OTULINL: variants seen among roughly 807,000 people sequenced by gnomAD.
OTULINL encodes the protein OTU deubiquitinase with linear linkage specificity like, also known as inactive ubiquitin thioesterase OTULINL.
A neutral mutation model predicts 43.9 loss-of-function variants in OTULINL; 42 were observed. The observed-to-expected ratio is 0.96, with a 90% CI of 0.75 to 1.24. The LOEUF (loss-of-function observed/expected upper bound fraction) is 1.24, where lower values mean the gene tolerates loss of function less well. Among genes scored for constraint, OTULINL ranks in the 50% most tolerant of loss-of-function variants. The pLI is 0.00. For missense variants in OTULINL, 411 were observed against 426.4 expected, an observed-to-expected ratio of 0.96 and a Z score of 0.32; for synonymous variants, 172 against 153.6, an observed-to-expected ratio of 1.12 and a Z score of -0.88.
chr5:14,606,031 T>A (rs1366990542), intron 5 of OTULINL, among the ~76,000 whole-genome samples: 1 of 152,198 alleles, frequency 6.6e-6, no homozygotes, highest in Non-Finnish European at 1.5e-5. Flanking sequence ...GGTACCAGTT[T>A]ACTGTATTAG....
rs752979984 is a variant in OTULINL, at chr5:14,607,311, C to A, written c.499-19C>A. On this transcript the variant is annotated intron_variant, in intron 5 of 7. Transcript: ENST00000274217. ...ACGTTCATATGCTAATCATAGTTGG[C>A]ATCTACTTCCTTTTCAAGCTTCCTG... 6.2e-7 allele frequency: 1 copy of A among 1,612,134 alleles called. No homozygotes were observed. The highest frequency in any genetic ancestry group is 8.5e-7 in the Non-Finnish European group (1 of 1,179,306).
intron 5 of OTULINL, among the ~76,000 whole-genome samples, chr5:14,604,876 T>C (rs1458708517): frequency 2.6e-5 from 4 of 152,224 alleles, no homozygotes; most frequent in Non-Finnish European, 4.4e-5. Flanking sequence ...TCCTGGCTGC[T>C]TTCACAGGCT....
intron 1 of OTULINL, among the ~76,000 whole-genome samples, chr5:14,600,398 C>T (rs115158618): frequency 0.016 from 2,384 of 152,284 alleles, 75 homozygotes; most frequent in African/African-American, 0.055. Context: ...TGAGAATGGA[C>T]GAACACAGAG....
chr5:14,595,560 T>A (rs1579919695), intron 1 of OTULINL, among the ~76,000 whole-genome samples: 1 of 150,742 alleles, frequency 6.6e-6, no homozygotes, highest in African/African-American at 2.4e-5. Flanking sequence ...GTTTTAATGT[T>A]TGAATTACTT....
In OTULINL at chr5:14,581,991, GGC is replaced by G. The variant is rs780427927; in HGVS notation, c.64+37_64+38del. 70 of 1,240,884 alleles carry G rather than the reference GGC, an allele frequency of 5.6e-5. No individual in the cohort carries two copies. In the South Asian group the frequency reaches 1.9e-3, roughly 34 times the overall value. The allele number at this position is 1,240,884 out of a possible 1,614,324, so 76.9% of individuals were successfully genotyped here. A position where few individuals can be genotyped will look rare whatever the true frequency, so the allele number is the denominator to read the frequency against. On this transcript the variant is annotated intron_variant, in intron 1 of 7. Transcript: ENST00000274217. ...TGGGGCCGGGCGGGGCGGGGCGGGG[GGC>G]GCGAGCAGGGACCGTCAAGGCGGGC... is the stretch of plus-strand genomic sequence containing the variant.
rs1759622807 is a variant in OTULINL, at chr5:14,613,794, TG to T, written c.*3483del. Reference sequence around the variant, plus strand: ...ACCTCCAGACTAAGCTGGTGGAGGATGGGCTCAACCTCCATGAGAGAAGAGC... The same window carrying T: ...ACCTCCAGACTAAGCTGGTGGAGGATGGCTCAACCTCCATGAGAGAAGAGC... On this transcript the variant is annotated 3_prime_UTR_variant, in exon 8 of 8. Transcript: ENST00000274217. Among the ~76,000 whole-genome samples, 1 of 152,190 alleles carries T rather than the reference TG, an allele frequency of 6.6e-6. No homozygotes were observed. Among genetic ancestry groups the T allele is most frequent in the South Asian group, 2.1e-4 (1 of 4,832 alleles).
rs1268044881 is a variant in OTULINL, at chr5:14,611,148, C to G, written c.*834C>G. The stretch of plus-strand genomic sequence containing the variant: ...TAGGCAGAATAATGCCCTATGCTCC[C>G]CAAAGATGTCTGTGTCTGAATCCTC... On this transcript the variant is annotated 3_prime_UTR_variant, in exon 8 of 8. Transcript: ENST00000274217. 1 of 152,116 alleles carries G rather than the reference C, an allele frequency of 6.6e-6. No individual in the cohort carries two copies. Among genetic ancestry groups the G allele is most frequent in the Non-Finnish European group, 1.5e-5 (1 of 68,032 alleles). The allele number at this position is 152,116 out of a possible 1,614,324, so 9.4% of individuals were successfully genotyped here.
rs551711382 is a variant in OTULINL, at chr5:14,600,458, G to A, written c.65-507G>A. Among the ~76,000 whole-genome samples, 10 of 152,368 alleles carry A rather than the reference G, an allele frequency of 6.6e-5. No homozygotes were observed. The South Asian group carries it at 1.7e-3, about 25-fold the overall frequency. ...GTCACCTGGTTTGACTGCCTGCAGT[G>A]TATTTGGGTCTGGATTGAATCCCTG... On this transcript the variant is annotated intron_variant, in intron 1 of 7. Transcript: ENST00000274217.
intron 1 of OTULINL, among the ~76,000 whole-genome samples, chr5:14,600,748 T>C (rs1759370295): frequency 6.6e-6 from 1 of 152,164 alleles, no homozygotes. Context: ...AAGATGGTCT[T>C]GTATATGGTG....
At chr5:14,605,008 GATGGGGTCTCAGT>G (rs1759449374) in intron 5 of OTULINL, among the ~76,000 whole-genome samples, 1 of 152,224 alleles carries the variant, frequency 6.6e-6, no homozygotes, top group Admixed American at 6.5e-5. Flanking sequence ...CCCCAGTGGG[GATGGGGTCTCAGT>G]GTGGGGGCTC....
In OTULINL at chr5:14,600,140, G is replaced by T. The variant is rs577692995; in HGVS notation, c.65-825G>T. Among the ~76,000 whole-genome samples, 5 of 152,320 alleles carry T rather than the reference G, an allele frequency of 3.3e-5. No homozygotes were observed. In the South Asian group the frequency reaches 6.2e-4, roughly 19 times the overall value. ...AGTGGGAGGTAATTGAATCATGGGGGTGGTTACCCTCATGTTGTTCTCATG... is the reference window on the plus strand; with the variant it reads ...AGTGGGAGGTAATTGAATCATGGGGTTGGTTACCCTCATGTTGTTCTCATG... On this transcript the variant is annotated intron_variant, in intron 1 of 7. Coordinates refer to ENST00000274217, the MANE Select transcript of OTULINL (RefSeq NM_019018.3).
chr5:14,611,726 T>C lies in OTULINL; in HGVS notation c.*1412T>C, dbSNP rs1759586125. 6.6e-6 allele frequency: 1 copy of C among 152,182 alleles called. No homozygotes were observed. Among genetic ancestry groups the C allele is most frequent in the Non-Finnish European group, 1.5e-5 (1 of 68,030 alleles). 9.4% of individuals were successfully genotyped at this position (152,182 alleles called of 1,614,324 possible). A position where few individuals can be genotyped will look rare whatever the true frequency, so the allele number is the denominator to read the frequency against. On this transcript the variant is annotated 3_prime_UTR_variant, in exon 8 of 8. Transcript: ENST00000274217. ...GATAGTTTTTTTTTTGGAGGTACTT[T>C]GCTAGTCTGTTTTGAGTTTCAGTAC...
rs139323197 is a variant in OTULINL, at chr5:14,605,757, C to A, written c.499-1573C>A. Among the ~76,000 whole-genome samples the A allele has an allele frequency of 9.8e-5, 15 of 152,308 alleles. No homozygotes were observed. The East Asian group carries it at 2.7e-3, about 27-fold the overall frequency. ...AGGGGCAAAATGCCACCAGTCTCTT[C>A]GTTAAAACATAACAAGAGTCATCTT... On this transcript the variant is annotated intron_variant, in intron 5 of 7. Coordinates refer to ENST00000274217, the MANE Select transcript of OTULINL (RefSeq NM_019018.3).
rs1759603392 is a variant in OTULINL at position 14,612,793 on chromosome 5, T to G, written c.*2479T>G. 6.6e-6 allele frequency: 1 copy of G among 152,158 alleles called. No individual in the cohort carries two copies. The highest frequency in any genetic ancestry group is 2.1e-4 in the South Asian group (1 of 4,828). 9.4% of individuals were successfully genotyped at this position (152,158 alleles called of 1,614,324 possible). A position where few individuals can be genotyped will look rare whatever the true frequency, so the allele number is the denominator to read the frequency against. On this transcript the variant is annotated 3_prime_UTR_variant, in exon 8 of 8. Coordinates refer to ENST00000274217, the MANE Select transcript of OTULINL (RefSeq NM_019018.3). ...AAATGGAAACATAATGCCCTCGTCG[T>G]TTTTTGATTTTAGGATAAGTTTCTC...
At chr5:14,607,026 C>T (rs904467035) in intron 5 of OTULINL, among the ~76,000 whole-genome samples, 3 of 152,070 alleles carry the variant, frequency 2.0e-5, no homozygotes, top group South Asian at 4.1e-4. Flanking sequence ...GTCAGGAGTT[C>T]GAGACCAGCC....
rs186884930 is a variant in OTULINL at position 14,614,059 on chromosome 5, A to G, written c.*3745A>G. Among the ~76,000 whole-genome samples the G allele has an allele frequency of 7.9e-5, 12 of 152,368 alleles. No homozygotes were observed. The highest frequency in any genetic ancestry group is 1.6e-4 in the Non-Finnish European group (11 of 68,032). ...AACCCAATATGTGAAAATATATGCAAGCATGAATAAAGGGTTGACTAATTC... is the reference window on the plus strand; with the variant it reads ...AACCCAATATGTGAAAATATATGCAGGCATGAATAAAGGGTTGACTAATTC... On this transcript the variant is annotated 3_prime_UTR_variant, in exon 8 of 8. Coordinates refer to ENST00000274217, the MANE Select transcript of OTULINL (RefSeq NM_019018.3).
chr5:14,607,777 T>C (rs1759508190), intron 6 of OTULINL, among the ~76,000 whole-genome samples: 1 of 152,146 alleles, frequency 6.6e-6, no homozygotes. Context: ...TGCTCAGAAA[T>C]GCTCTCCTGG....
intron 5 of OTULINL, among the ~76,000 whole-genome samples, chr5:14,603,676 A>C (rs899503988): frequency 6.7e-6 from 1 of 149,502 alleles, no homozygotes; most frequent in Non-Finnish European, 1.5e-5. Context: ...GTTTTTTTTT[A>C]AATTATTGAG....
chr5:14,597,224 C>A (rs1263017647), intron 1 of OTULINL, among the ~76,000 whole-genome samples: 1 of 152,120 alleles, frequency 6.6e-6, no homozygotes, highest in Non-Finnish European at 1.5e-5. Flanking sequence ...GGTGCTTTCC[C>A]AACATTTACT....
Sources: allele counts gnomAD v4.1 joint callset (sites outside exome capture counted in the v4.1 genomes callset), GRCh38; gene constraint gnomAD v4.1.1; transcripts MANE v1.5; gene names NCBI Gene and HGNC (gene_info 2026-07-23, HGNC 2026-07-21).